The following ASTN2 variants were observed in gnomAD, a reference collection of about 807,000 sequenced individuals.
The protein encoded by ASTN2 is astrotactin 2, also known as astrotactin-2.
ASTN2 carries 54 observed loss-of-function variants against 139.8 expected under a neutral mutation model. The observed-to-expected ratio is 0.39, with a 90% confidence interval of 0.31 to 0.48. The LOEUF is 0.48. Among genes scored for constraint, ASTN2 ranks in the 20% least tolerant of loss-of-function variants. ASTN2 has a pLI of 0.95. For synonymous variants in ASTN2, 756 were observed against 719.5 expected (o/e 1.05, Z -0.81); for missense variants, 1,565 against 1,725.1 (o/e 0.91, Z 1.64).
Position 117,236,493 on chromosome 9 carries a change from C to T in ASTN2, c.631-21751G>A, listed in dbSNP as rs370228666. On this transcript the variant is annotated intron_variant, in intron 2 of 22. Coordinates refer to ENST00000313400, the MANE Select transcript of ASTN2 (RefSeq NM_001365068.1). ...TGTGATAAGCAATGAAGAGGGAGCT[C>T]AGGGTGGGATGTAGGACCCCAGGGG... Among the ~76,000 whole-genome samples the T allele has an allele frequency of 5.8e-4, 88 of 152,266 alleles. No individual in the cohort carries two copies. In the South Asian group the frequency reaches 0.016, roughly 27 times the overall value.
chr9:117,215,470 T>TATATATATATA (rs1832282946), intron 2 of ASTN2, among the ~76,000 whole-genome samples: 1 of 20,146 alleles, frequency 5.0e-5, no homozygotes, highest in Non-Finnish European at 1.1e-4. Context: ...GGTCAACTGA[T>TATATATATATA]ATATATATAT....
intron 1 of ASTN2, among the ~76,000 whole-genome samples, chr9:117,387,562 G>T (rs376485719): frequency 6.4e-4 from 98 of 152,220 alleles, no homozygotes; most frequent in African/African-American, 2.3e-3. Context: ...CTGTGCAAAG[G>T]CCAAGAGGCA....
At chr9:116,582,914 A>T (rs1854009242) in intron 19 of ASTN2, 1 of 152,124 alleles carries the variant, frequency 6.6e-6, no homozygotes, top group African/African-American at 2.4e-5. Context: ...TCTCCTCTCG[A>T]CATCATTCAT....
At chr9:117,307,130 C>A (rs1835021055) in intron 1 of ASTN2, among the ~76,000 whole-genome samples, 1 of 152,140 alleles carries the variant, frequency 6.6e-6, no homozygotes, top group South Asian at 2.1e-4. Context: ...GGGAACACAC[C>A]CATTTATATG....
intron 11 of ASTN2, among the ~76,000 whole-genome samples, chr9:116,830,719 G>T (rs1831785099): frequency 6.7e-6 from 1 of 150,282 alleles, no homozygotes; most frequent in African/African-American, 2.5e-5. Context: ...TTGAACCCAG[G>T]AGGCGGAGGT....
intron 5 of ASTN2, among the ~76,000 whole-genome samples, chr9:117,079,182 C>A (rs1333528709): frequency 1.3e-5 from 2 of 152,100 alleles, no homozygotes; most frequent in African/African-American, 2.4e-5. Context: ...ATAGTAAGAT[C>A]CTGCCTCTAC....
chr9:116,866,939 G>A lies in ASTN2; in HGVS notation c.1890-3206C>T, dbSNP rs180870729. ...GACAGAGGGACCTGAGAAAGTGAGAGAACAAGAGATAAACAGGTAGAGAAA... is the reference window on the plus strand; with the variant it reads ...GACAGAGGGACCTGAGAAAGTGAGAAAACAAGAGATAAACAGGTAGAGAAA... On this transcript the variant is annotated intron_variant, in intron 10 of 22. Coordinates refer to ENST00000313400, the MANE Select transcript of ASTN2 (RefSeq NM_001365068.1). Among the ~76,000 whole-genome samples, 35 of 141,772 alleles carry A rather than the reference G, an allele frequency of 2.5e-4. 2 individuals carry two copies. The East Asian group carries it at 6.9e-3, about 28-fold the overall frequency. The allele number at this position is 141,772 out of a possible 152,430, so 93.0% of individuals were successfully genotyped here.
intron 11 of ASTN2, among the ~76,000 whole-genome samples, chr9:116,858,082 C>A (rs1049004939): frequency 2.6e-5 from 4 of 152,116 alleles, no homozygotes; most frequent in Admixed American, 6.5e-5. Flanking sequence ...TGTCAACCAC[C>A]AATGGTGCCA....
chr9:116,553,258 AC>A (rs1201120376), intron 19 of ASTN2, among the ~76,000 whole-genome samples: 2 of 152,080 alleles, frequency 1.3e-5, no homozygotes, highest in Non-Finnish European at 2.9e-5. Context: ...AATCACTCGG[AC>A]CTCACTTCAT....
At chr9:116,565,157 A>G (rs988289444) in intron 19 of ASTN2, among the ~76,000 whole-genome samples, 12 of 151,324 alleles carry the variant, frequency 7.9e-5, no homozygotes, top group African/African-American at 2.4e-4. Flanking sequence ...TAGTATACAC[A>G]TGCATGTATA....
intron 2 of ASTN2, among the ~76,000 whole-genome samples, chr9:117,270,631 G>A (rs1417015224): frequency 1.3e-5 from 2 of 152,134 alleles, no homozygotes; most frequent in African/African-American, 2.4e-5. Flanking sequence ...ACCATTGAGT[G>A]GCTCTGTGAT....
chr9:116,512,527 G>A (rs1247433437), intron 19 of ASTN2, among the ~76,000 whole-genome samples: 2 of 152,212 alleles, frequency 1.3e-5, no homozygotes, highest in Non-Finnish European at 2.9e-5. Flanking sequence ...TCCGCTTGGT[G>A]TAGAGTTGAG....
intron 19 of ASTN2, among the ~76,000 whole-genome samples, chr9:116,541,483 C>T (rs928081048): frequency 6.6e-6 from 1 of 152,208 alleles, no homozygotes; most frequent in African/African-American, 2.4e-5. Context: ...TCCTAGTTAA[C>T]TCTATTGCTT....
intron 13 of ASTN2, among the ~76,000 whole-genome samples, chr9:116,770,806 C>A (rs1829935692): frequency 6.6e-6 from 1 of 152,108 alleles, no homozygotes; most frequent in Non-Finnish European, 1.5e-5. Flanking sequence ...ATAAAAAGTT[C>A]TTGAGAAGGA....
intron 10 of ASTN2, among the ~76,000 whole-genome samples, chr9:116,919,198 T>G (rs536579823): frequency 6.6e-6 from 1 of 152,196 alleles, no homozygotes; most frequent in Non-Finnish European, 1.5e-5. Context: ...CCAGCTTACC[T>G]GATTGGTATA....
chr9:117,136,114 T>C (rs1829945688), intron 4 of ASTN2, among the ~76,000 whole-genome samples: 1 of 152,188 alleles, frequency 6.6e-6, no homozygotes, highest in African/African-American at 2.4e-5. Context: ...CTAATAATCA[T>C]AGCAATGATC....
chr9:117,086,047 G>A (rs1008445786), intron 5 of ASTN2, among the ~76,000 whole-genome samples: 1 of 152,156 alleles, frequency 6.6e-6, no homozygotes, highest in Non-Finnish European at 1.5e-5. Context: ...ATGAAATCAT[G>A]CATTTAGACA....
intron 10 of ASTN2, among the ~76,000 whole-genome samples, chr9:116,954,672 A>G (rs955886023): frequency 6.6e-6 from 1 of 152,104 alleles, no homozygotes; most frequent in African/African-American, 2.4e-5. Context: ...ATTAAAAAAA[A>G]ACAGGTGATG....
At chr9:117,142,018 C>T (rs1027527878) in intron 3 of ASTN2, among the ~76,000 whole-genome samples, 1 of 152,074 alleles carries the variant, frequency 6.6e-6, no homozygotes, top group African/African-American at 2.4e-5. Flanking sequence ...GAGAAGACAG[C>T]GTCCTGGATG....
Sources: allele counts gnomAD v4.1 joint callset (sites outside exome capture counted in the v4.1 genomes callset), GRCh38; gene constraint gnomAD v4.1.1; transcripts MANE v1.5; gene names NCBI Gene and HGNC (gene_info 2026-07-23, HGNC 2026-07-21).